STK10: variants seen among roughly 807,000 people sequenced by gnomAD.
STK10 encodes serine/threonine kinase 10.
A neutral mutation model predicts 113.8 loss-of-function variants in STK10; 78 were observed. The observed-to-expected ratio is 0.69, with a 90% CI of 0.57 to 0.83. The LOEUF (loss-of-function observed/expected upper bound fraction) is 0.83, where lower values mean the gene tolerates loss of function less well. STK10 is among the 40% of genes least tolerant of loss of function. The pLI is 0.00. For missense variants in STK10, 1,109 were observed against 1,280.1 expected (o/e 0.87, Z 2.04); for synonymous variants, 465 against 494.7 (o/e 0.94, Z 0.80).
chr5:172,078,604 T>C (rs78338359), intron 12 of STK10, among the ~76,000 whole-genome samples: 5,864 of 128,254 alleles, frequency 0.046, 486 homozygotes, highest in African/African-American at 0.16. Flanking sequence ...TGCCACTGCA[T>C]TCCAGCCTCA....
chr5:172,178,531 T>C (rs1770797799), intron 1 of STK10, among the ~76,000 whole-genome samples: 2 of 152,150 alleles, frequency 1.3e-5, no homozygotes, highest in South Asian at 4.1e-4. Context: ...CCTGAGCACC[T>C]ACGGTGGCTA....
intron 18 of STK10, chr5:172,045,295 A>C: frequency 1.7e-6 from 1 of 595,276 alleles, no homozygotes; most frequent in Non-Finnish European, 3.1e-6. Flanking sequence ...GAGGAAAAAA[A>C]AGCAGATGCA....
At chr5:172,116,441 CAT>C (rs536515236) in intron 4 of STK10, among the ~76,000 whole-genome samples, 102 of 152,248 alleles carry the variant, frequency 6.7e-4, no homozygotes, top group Non-Finnish European at 1.1e-3. Flanking sequence ...CAGAAGTACA[CAT>C]GAGAAGAGCT....
chr5:172,050,805 T>C (rs1767611946), intron 18 of STK10, among the ~76,000 whole-genome samples: 1 of 152,058 alleles, frequency 6.6e-6, no homozygotes, highest in Admixed American at 6.6e-5. Flanking sequence ...CTTGACTTCC[T>C]GGCCTCAAGC....
chr5:172,077,541 T>C (rs889662534), intron 12 of STK10, among the ~76,000 whole-genome samples: 1 of 152,232 alleles, frequency 6.6e-6, no homozygotes, highest in African/African-American at 2.4e-5. Context: ...ACATTAATTG[T>C]ATATGCATAT....
At position 172,055,141 on chromosome 5, in the gene STK10, C is replaced by T. The variant is rs189779746; in HGVS notation, c.2526+447G>A. On this transcript the variant is annotated intron_variant, in intron 16 of 18. Transcript: ENST00000176763. The stretch of plus-strand genomic sequence containing the variant: ...TGAGGCTGATGAAGCTTCCAGGGCA[C>T]GCATGGTGACTCGCACACCCCCTCC... Among the ~76,000 whole-genome samples the T allele has an allele frequency of 1.2e-4, 18 of 151,976 alleles. No homozygotes were observed. In the East Asian group the frequency reaches 1.5e-3, roughly 13 times the overall value.
At chr5:172,118,010 C>CAA (rs57672334) in intron 3 of STK10, among the ~76,000 whole-genome samples, 4,912 of 69,634 alleles carry the variant, frequency 0.071, 179 homozygotes, top group African/African-American at 0.1. Flanking sequence ...TACTCCATCT[C>CAA]AAAAAAAAAA....
chr5:172,168,935 G>A (rs1425420936), intron 1 of STK10, among the ~76,000 whole-genome samples: 25 of 152,108 alleles, frequency 1.6e-4, no homozygotes, highest in Admixed American at 1.2e-3. Context: ...ACAAGCTAAC[G>A]CAGGAGCTCC....
At chr5:172,182,308 G>GAAAAAAAAA (rs567194724) in intron 1 of STK10, among the ~76,000 whole-genome samples, 1 of 92,134 alleles carries the variant, frequency 1.1e-5, no homozygotes, top group Non-Finnish European at 2.2e-5. Flanking sequence ...GTCTCAGAGG[G>GAAAAAAAAA]AAAAAAAAAA....
At chr5:172,054,501 T>A in intron 17 of STK10, 68 bp downstream of exon 17, 2 of 1,552,756 alleles carry the variant, frequency 1.3e-6, no homozygotes, top group Non-Finnish European at 1.7e-6. Flanking sequence ...TCTGGCCCCC[T>A]GAGATCTGAT....
At chr5:172,168,626 C>A (rs1391777258) in intron 1 of STK10, among the ~76,000 whole-genome samples, 2 of 152,194 alleles carry the variant, frequency 1.3e-5, no homozygotes, top group African/African-American at 4.8e-5. Flanking sequence ...CCGCCTTTCT[C>A]CAGCACAGGC....
chr5:172,186,837 C>T (rs903445155), intron 1 of STK10, among the ~76,000 whole-genome samples: 3 of 151,948 alleles, frequency 2.0e-5, no homozygotes, highest in Admixed American at 6.6e-5. Flanking sequence ...GGTAACTAGG[C>T]GATAGACCAC....
intron 12 of STK10, among the ~76,000 whole-genome samples, chr5:172,081,573 G>A (rs1768430816): frequency 6.6e-6 from 1 of 152,044 alleles, no homozygotes; most frequent in Non-Finnish European, 1.5e-5. Context: ...TGCTCAGCTG[G>A]CCAGGAACCC....
chr5:172,044,038 CT>C lies in STK10; in HGVS notation c.*843del. ...TCGCAGCCTGGCAGTACAGCCTGTG[CT>C]TTTCCATGCCTCCGGTGCCAACACC... On this transcript the variant is annotated 3_prime_UTR_variant, in exon 19 of 19. Coordinates refer to ENST00000176763, the MANE Select transcript of STK10 (RefSeq NM_005990.4). This position sits in a 1 kb window ranked among gnomAD's most constrained non-coding sequence, Gnocchi z 4.5. The C allele has an allele frequency of 6.6e-6, 1 of 152,616 alleles. No homozygotes were observed. Among genetic ancestry groups the C allele is most frequent in the Non-Finnish European group, 1.5e-5 (1 of 68,270 alleles). 9.5% of individuals were successfully genotyped at this position (152,616 alleles called of 1,614,324 possible).
At chr5:172,101,733 T>C (rs965569035) in intron 7 of STK10, among the ~76,000 whole-genome samples, 2 of 151,988 alleles carry the variant, frequency 1.3e-5, no homozygotes, top group Non-Finnish European at 2.9e-5. Context: ...TGCAATTTCA[T>C]GTGGGTGGTT....
At position 172,178,205 on chromosome 5, in the gene STK10, T is replaced by C. The variant is rs367794960; in HGVS notation, c.156+9682A>G. Among the ~76,000 whole-genome samples, 34 of 152,336 alleles carry C rather than the reference T, an allele frequency of 2.2e-4. No homozygotes were observed. The East Asian group carries it at 5.0e-3, about 22-fold the overall frequency. ...GTGAAATCTCTTCATTTAAAAATAC[T>C]GGCAATCAAGTCAAATTTGGTTCAA... is the stretch of plus-strand genomic sequence containing the variant. On this transcript the variant is annotated intron_variant, in intron 1 of 18. Transcript: ENST00000176763.
chr5:172,156,788 C>T lies in STK10; in HGVS notation c.157G>A (p.Ala53Thr). The change falls in exon 2 of 19, where the codon GCC becomes ACC. Residue 53 changes from alanine (A) to threonine (T), a missense_variant and splice_region_variant. Transcript: ENST00000176763. ...AAAGCACCCGTCTCCTTATTCTTGG[C>T]CTGCAAAGAGGAGATACAGGAGGTC... ...GDGAFGKVYK[A>T]KNKETGALAA... The T allele has an allele frequency of 1.2e-6, 2 of 1,612,802 alleles. No individual in the cohort carries two copies. Among genetic ancestry groups the T allele is most frequent in the Non-Finnish European group, 1.7e-6 (2 of 1,179,088 alleles).
At chr5:172,165,818 G>A (rs1283791465) in intron 1 of STK10, among the ~76,000 whole-genome samples, 1 of 151,124 alleles carries the variant, frequency 6.6e-6, no homozygotes, top group African/African-American at 2.4e-5. Flanking sequence ...TTGAGACGGA[G>A]TTTCCCTCTT....
chr5:172,185,024 C>G (rs73314196), intron 1 of STK10, among the ~76,000 whole-genome samples: 1 of 152,022 alleles, frequency 6.6e-6, no homozygotes, highest in Non-Finnish European at 1.5e-5. Context: ...GAGACAGTAT[C>G]GATTGTGGAT....
Sources: gnomAD v4.1 joint callset for allele counts (sites outside exome capture counted in the v4.1 genomes callset) on GRCh38, gnomAD v4.1.1 for gene constraint, Gnocchi (gnomAD v3.1) non-coding constraint, MANE v1.5 for transcripts, NCBI Gene and HGNC (gene_info 2026-07-23, HGNC 2026-07-21) for gene names.